Variants in PHLDB2 observed in about 807,000 individuals in gnomAD.
The protein encoded by PHLDB2 is pleckstrin homology-like domain family B member 2.
In PHLDB2, 71 loss-of-function variants were observed where a neutral mutation model predicts 123.6. The observed-to-expected ratio is 0.57, with a 90% CI of 0.47 to 0.70. The LOEUF (loss-of-function observed/expected upper bound fraction) is 0.70. Among genes scored for constraint, PHLDB2 ranks in the 30% least tolerant of loss-of-function variants. The probability of loss-of-function intolerance (pLI) is 0.00; values close to 1 mark genes in which losing one functional copy is unlikely to be tolerated. For synonymous variants in PHLDB2, 547 were observed against 541.6 expected, an observed-to-expected ratio of 1.01 and a Z score of -0.14; for missense variants, 1,446 against 1,519.5, an observed-to-expected ratio of 0.95 and a Z score of 0.80.
intron 1 of PHLDB2, among the ~76,000 whole-genome samples, chr3:111,780,271 A>G (rs1458136644): frequency 1.3e-4 from 1 of 7,772 alleles, no homozygotes. Context: ...AAGAAGAAGA[A>G]AAGAAGAAGA....
chr3:111,810,205 T>A (rs2061767426), intron 1 of PHLDB2, among the ~76,000 whole-genome samples: 1 of 152,130 alleles, frequency 6.6e-6, no homozygotes, highest in Admixed American at 6.5e-5. Flanking sequence ...AACCACAACC[T>A]GAGAGCACCT....
chr3:111,834,548 T>C (rs949466654), intron 1 of PHLDB2, among the ~76,000 whole-genome samples: 4 of 151,736 alleles, frequency 2.6e-5, no homozygotes, highest in African/African-American at 7.3e-5. Flanking sequence ...GATGGTATTA[T>C]AGTTTCTCAA....
chr3:111,776,704 G>T (rs1175521453), intron 1 of PHLDB2, among the ~76,000 whole-genome samples: 4 of 152,064 alleles, frequency 2.6e-5, no homozygotes, highest in Admixed American at 1.3e-4. Context: ...GTTCCCCCTT[G>T]ATGTTTCATA....
intron 1 of PHLDB2, among the ~76,000 whole-genome samples, chr3:111,819,842 T>G (rs1332022042): frequency 1.3e-5 from 2 of 152,144 alleles, no homozygotes; most frequent in Admixed American, 1.3e-4. Context: ...AATCTGAGAG[T>G]TTAATTGTCA....
chr3:111,919,057 G>T lies in PHLDB2; in HGVS notation c.1720-15G>T, dbSNP rs2399399. The T allele has an allele frequency of 5.6e-6, 9 of 1,612,746 alleles. No homozygotes were observed. The highest frequency in any genetic ancestry group is 7.6e-6 in the Non-Finnish European group (9 of 1,178,812). ...TGAGGTGTGAATAATCCATTTCTGT[G>T]TTGATTAATCGCAGACCCCAGAGGG... On this transcript the variant is annotated splice_polypyrimidine_tract_variant and intron_variant, in intron 3 of 17. Transcript: ENST00000431670.
At chr3:111,810,516 A>G (rs1335656074) in intron 1 of PHLDB2, among the ~76,000 whole-genome samples, 3 of 152,110 alleles carry the variant, frequency 2.0e-5, no homozygotes, top group Admixed American at 1.3e-4. Flanking sequence ...TGGTGCATGT[A>G]TGTGAAGAGA....
chr3:111,780,825 G>A (rs1330538315), intron 1 of PHLDB2, among the ~76,000 whole-genome samples: 1 of 152,040 alleles, frequency 6.6e-6, no homozygotes, highest in African/African-American at 2.4e-5. Flanking sequence ...TATAACAGAT[G>A]TTGATAGGTG....
intron 1 of PHLDB2, among the ~76,000 whole-genome samples, chr3:111,755,443 G>GT (rs2107986134): frequency 7.1e-6 from 1 of 141,660 alleles, no homozygotes; most frequent in East Asian, 2.1e-4. Flanking sequence ...TTGCGTAGAG[G>GT]TGTTTGTAGT....
At chr3:111,955,769 G>A (rs112503930) in intron 12 of PHLDB2, among the ~76,000 whole-genome samples, 20 of 152,140 alleles carry the variant, frequency 1.3e-4, no homozygotes, top group South Asian at 8.3e-4. Flanking sequence ...TTTTCCCACC[G>A]TCGGAAGACA....
intron 1 of PHLDB2, among the ~76,000 whole-genome samples, chr3:111,800,893 A>G (rs577647068): frequency 6.6e-6 from 1 of 152,356 alleles, no homozygotes; most frequent in Non-Finnish European, 1.5e-5. Flanking sequence ...CTAAGAAGTT[A>G]TGCCAATTAA....
intron 2 of PHLDB2, chr3:111,911,487 A>C (rs1470082976): frequency 2.7e-6 from 2 of 752,536 alleles, no homozygotes; most frequent in Non-Finnish European, 4.2e-6. Flanking sequence ...ATTGTTGGAG[A>C]AGTTTAAAAT....
chr3:111,784,006 G>A (rs1410393320), intron 1 of PHLDB2, among the ~76,000 whole-genome samples: 1 of 152,114 alleles, frequency 6.6e-6, no homozygotes, highest in Non-Finnish European at 1.5e-5. Flanking sequence ...TGTCCTTTGA[G>A]AGGAATTCTC....
At chr3:111,780,291 A>AGAAGAG (rs1559827020) in intron 1 of PHLDB2, among the ~76,000 whole-genome samples, 27 of 2,350 alleles carry the variant, frequency 0.011, 5 homozygotes, top group African/African-American at 0.014. Flanking sequence ...AAGAAGAAGA[A>AGAAGAG]GAAGAGGAAG....
rs1222566621 is a variant in PHLDB2, at chr3:111,949,159, G to A, written c.2631+84G>A. 1.1e-5 allele frequency: 17 copies of A among 1,480,328 alleles called. No homozygotes were observed. The East Asian group carries it at 2.6e-4, about 22-fold the overall frequency. 91.7% of individuals were successfully genotyped at this position (1,480,328 alleles called of 1,614,324 possible). A position where few individuals can be genotyped will look rare whatever the true frequency, so the allele number is the denominator to read the frequency against. On this transcript the variant is annotated intron_variant, in intron 10 of 17. Transcript: ENST00000431670. ...ACGGCCAACTGAAAATGAGGTCCAC[G>A]AGAACGTGCATGACAAATGTATATC...
chr3:111,767,154 T>G (rs2060098391), intron 1 of PHLDB2, among the ~76,000 whole-genome samples: 1 of 151,862 alleles, frequency 6.6e-6, no homozygotes, highest in Non-Finnish European at 1.5e-5. Context: ...AGCTCCAGTG[T>G]CTGGTTACTC....
chr3:111,960,787 T>C (rs2071359947), intron 12 of PHLDB2, among the ~76,000 whole-genome samples: 2 of 152,320 alleles, frequency 1.3e-5, no homozygotes, highest in Non-Finnish European at 2.9e-5. Context: ...ATGGAAACTA[T>C]TCGAGTAGAC....
At chr3:111,749,582 A>G (rs933556717) in intron 1 of PHLDB2, among the ~76,000 whole-genome samples, 4 of 152,148 alleles carry the variant, frequency 2.6e-5, no homozygotes, top group Admixed American at 2.0e-4. Context: ...CCTACGTTTA[A>G]TTTTACAAGA....
At chr3:111,901,302 G>A (rs1342040645) in intron 2 of PHLDB2, among the ~76,000 whole-genome samples, 2 of 151,238 alleles carry the variant, frequency 1.3e-5, no homozygotes, top group Non-Finnish European at 2.9e-5. Context: ...GGAGGTTGCA[G>A]TGAGCCAAGA....
chr3:111,734,454 C>T (rs929533760), intron 1 of PHLDB2, among the ~76,000 whole-genome samples: 2 of 152,122 alleles, frequency 1.3e-5, no homozygotes, highest in Admixed American at 6.5e-5. Flanking sequence ...GGCCATATTT[C>T]CCCACATTAC....
Sources: gnomAD v4.1 joint callset for allele counts (sites outside exome capture counted in the v4.1 genomes callset) on GRCh38, gnomAD v4.1.1 for gene constraint, MANE v1.5 for transcripts, NCBI Gene and HGNC (gene_info 2026-07-23, HGNC 2026-07-21) for gene names.